The following KRT71 variants were observed in gnomAD, a reference collection of about 807,000 sequenced individuals.
KRT71 encodes the protein keratin, type II cytoskeletal 71.
A neutral mutation model predicts 46.2 loss-of-function variants in KRT71; 42 were observed. The ratio of observed to expected loss-of-function variants is 0.91; its 90% CI spans 0.71 to 1.18. The LOEUF (loss-of-function observed/expected upper bound fraction) is 1.18. Ranked by LOEUF, KRT71 falls within the 50% of genes most tolerant of loss-of-function variation. KRT71 has a pLI of 0.00. For missense variants in KRT71, 708 were observed against 677.9 expected, an observed-to-expected ratio of 1.04 and a Z score of -0.49; for synonymous variants, 292 against 277.8, an observed-to-expected ratio of 1.05 and a Z score of -0.51.
chr12:52,546,552 C>T (rs1313180155), intron 6 of KRT71, 46 bp from the exon 7 acceptor site: 2 of 1,571,294 alleles, frequency 1.3e-6, no homozygotes, highest in Admixed American at 1.8e-5. Context: ...GGAGCCACTG[C>T]AACCATCCAC....
chr12:52,546,539 G>A (rs1177074343), intron 6 of KRT71, 33 bp from the exon 7 acceptor site: 4 of 1,600,308 alleles, frequency 2.5e-6, no homozygotes, highest in Non-Finnish European at 2.6e-6. Context: ...CGAAAAATTT[G>A]GAGGAGCCAC....
Position 52,545,441 on chromosome 12 carries a change from G to A in KRT71, c.1360+124C>T, listed in dbSNP as rs60971309. 4,716 of 590,764 alleles carry A rather than the reference G, an allele frequency of 8.0e-3. 147 individuals are homozygous for A. The highest frequency in any genetic ancestry group is 0.075 in the African/African-American group (3,906 of 52,162). 36.6% of individuals were successfully genotyped at this position (590,764 alleles called of 1,614,324 possible). On this transcript the variant is annotated intron_variant, in intron 8 of 8. Transcript: ENST00000267119. ...CCATGGCTCTGCCATCTGGCTTTGT[G>A]ATCTCAGGCAAAGCTTTTCCCTCTC...
chr12:52,544,461 G>A lies in KRT71; in HGVS notation c.*71C>T, dbSNP rs1939020159. ...GCAGGGTGGAGATGGAGCTGAGAGTGGGCTGTGGGAAGTACAGTGTGGGAT... is the reference window on the plus strand; with the variant it reads ...GCAGGGTGGAGATGGAGCTGAGAGTAGGCTGTGGGAAGTACAGTGTGGGAT... On this transcript the variant is annotated 3_prime_UTR_variant, in exon 9 of 9. Coordinates refer to ENST00000267119, the MANE Select transcript of KRT71 (RefSeq NM_033448.3). The A allele has an allele frequency of 1.3e-5, 18 of 1,351,900 alleles. No homozygotes were observed. Among genetic ancestry groups the A allele is most frequent in the Middle Eastern group, 3.6e-4 (2 of 5,512 alleles). The allele number at this position is 1,351,900 out of a possible 1,614,324, so 83.7% of individuals were successfully genotyped here.
At position 52,544,479 on chromosome 12, in the gene KRT71, T is replaced by C. The variant is rs1225811239; in HGVS notation, c.*53A>G. ...TGAGAGTGGGCTGTGGGAAGTACAG[T>C]GTGGGATCCAGAGCCGGGTCATGGA... On this transcript the variant is annotated 3_prime_UTR_variant, in exon 9 of 9. Coordinates refer to ENST00000267119, the MANE Select transcript of KRT71 (RefSeq NM_033448.3). The C allele has an allele frequency of 1.3e-6, 2 of 1,486,212 alleles. No homozygotes were observed. Among genetic ancestry groups the C allele is most frequent in the Admixed American group, 1.7e-5 (1 of 59,646 alleles). The allele number at this position is 1,486,212 out of a possible 1,614,324, so 92.1% of individuals were successfully genotyped here. A position where few individuals can be genotyped will look rare whatever the true frequency, so the allele number is the denominator to read the frequency against.
chr12:52,546,592 G>C, intron 6 of KRT71, 86 bp from the exon 7 acceptor site: 1 of 1,368,524 alleles, frequency 7.3e-7, no homozygotes. Context: ...TTAGAGTGGG[G>C]CAGAGTGGCC....
At chr12:52,546,602 C>T in intron 6 of KRT71, 96 bp from the exon 7 acceptor site, 1 of 1,177,930 alleles carries the variant, frequency 8.5e-7, no homozygotes, top group Non-Finnish European at 1.2e-6. Context: ...GCAGAGTGGC[C>T]CGCCTCCACC....
In KRT71 at chr12:52,547,961, C is replaced by T; in HGVS notation, c.1000G>A (p.Ala334Thr). 6.2e-7 allele frequency: 1 copy of T among 1,614,100 alleles called. No homozygotes were observed. Among genetic ancestry groups the T allele is most frequent in the South Asian group, 1.1e-5 (1 of 91,076 alleles). ...TTGAGGTCGTCCCCATGCCTGCCAG[C>T]TGCCAGCTGAAGCTCTTGGAACTGG... ...QTKFQELQLA[A>T]GRHGDDLKNT... Residue 334 changes from alanine to threonine, a missense_variant, in exon 6 of 9, where the codon GCT (alanine) becomes ACT (threonine). By Grantham distance (58) the Ala-to-Thr change is moderately conservative (BLOSUM62 0). Coordinates refer to ENST00000267119, the MANE Select transcript of KRT71 (RefSeq NM_033448.3).
intron 1 of KRT71, among the ~76,000 whole-genome samples, chr12:52,552,420 C>T (rs1446871991): frequency 1.3e-5 from 2 of 152,234 alleles, no homozygotes; most frequent in Non-Finnish European, 2.9e-5. Flanking sequence ...CCTGAGAAGC[C>T]TCTGCCAGTA....
chr12:52,548,767 C>T lies in KRT71; in HGVS notation c.747G>A (p.Val249=). The change falls in exon 4 of 9, where the codon GTG becomes GTA. Residue 249 remains valine (V), a synonymous_variant. Coordinates refer to ENST00000267119, the MANE Select transcript of KRT71 (RefSeq NM_033448.3). ...TGGATTCCACCTTGGCCTGCAGTTC[C>T]ACCTTATTGGCGTAAGCAGCATCCA... ...KDVDAAYANK[V]ELQAKVESMD... 1.2e-6 allele frequency: 2 copies of T among 1,614,224 alleles called. No individual in the cohort carries two copies. The highest frequency in any genetic ancestry group is 1.7e-6 in the Non-Finnish European group (2 of 1,180,042).
In KRT71 at chr12:52,545,606, A is replaced by G; in HGVS notation, c.1326-7T>C. 6.7e-7 allele frequency: 1 copy of G among 1,499,042 alleles called. No individual in the cohort carries two copies. Among genetic ancestry groups the G allele is most frequent in the Non-Finnish European group, 9.2e-7 (1 of 1,082,652 alleles). The allele number at this position is 1,499,042 out of a possible 1,614,324, so 92.9% of individuals were successfully genotyped here. On this transcript the variant is annotated splice_polypyrimidine_tract_variant and splice_region_variant and intron_variant, in intron 7 of 8. Transcript: ENST00000267119. ...GGGAAATTCTCCTGACATCCTATTA[A>G]GGAGAGAAATAAAATAAGAGGAGAA...
rs978927357 is a variant in KRT71 at position 52,552,850 on chromosome 12, G to T, written c.228C>A (p.Ala76=). The change falls in exon 1 of 9, where the codon GCC becomes GCA. Residue 76 remains alanine, a synonymous_variant. Transcript: ENST00000267119. ...CAAACATGCTTCCAGCAAAGCCACT[G>T]GCCCGGCCCCGGCCAAATCCATAGC... is the stretch of plus-strand genomic sequence containing the variant. ...SGGYGFGRGR[A]SGFAGSMFGS... is the part of the protein sequence containing the mutation. The T allele has an allele frequency of 1.2e-6, 2 of 1,614,130 alleles. No homozygotes were observed. The highest frequency in any genetic ancestry group is 2.7e-5 in the African/African-American group (2 of 74,960).
rs1279046502 is a variant in KRT71 at position 52,552,875 on chromosome 12, C to A, written c.203G>T (p.Gly68Val). The A allele has an allele frequency of 6.2e-7, 1 of 1,614,220 alleles. No homozygotes were observed. The change falls in exon 1 of 9, where the codon GGC becomes GTC. Residue 68 changes from glycine to valine, a missense_variant. Coordinates refer to ENST00000267119, the MANE Select transcript of KRT71 (RefSeq NM_033448.3). ...NVASGSGKSG[G>V]YGFGRGRASG... ...GGCCCGGCCCCGGCCAAATCCATAG[C>A]CTCCACTCTTCCCGCTGCCACTGGC...
intron 4 of KRT71, 63 bp downstream of exon 4, chr12:52,548,638 C>T (rs1939102373): frequency 7.0e-7 from 1 of 1,428,298 alleles, no homozygotes; most frequent in South Asian, 1.2e-5. Flanking sequence ...CTCCTGCAGC[C>T]CCTAGAATAG....
chr12:52,548,268 A>T lies in KRT71; in HGVS notation c.862T>A (p.Ser288Thr). The change falls in exon 5 of 9, where the codon TCC becomes ACC. Residue 288 changes from serine (S) to threonine (T), a missense_variant. Ser to Thr is a moderately conservative substitution (Grantham distance 58). Transcript: ENST00000267119. ...SHISDMSVIL[S>T]MDNNRNLDLD... ...TCTAGGTTCCGGTTGTTGTCCATGGACAGGATGACAGACATGTCACTGATG... is the reference window on the plus strand; with the variant it reads ...TCTAGGTTCCGGTTGTTGTCCATGGTCAGGATGACAGACATGTCACTGATG... The T allele has an allele frequency of 6.2e-7, 1 of 1,614,070 alleles. No individual in the cohort carries two copies. The highest frequency in any genetic ancestry group is 8.5e-7 in the Non-Finnish European group (1 of 1,179,942).
At chr12:52,545,050 C>T (rs1024325114) in intron 8 of KRT71, among the ~76,000 whole-genome samples, 4 of 152,188 alleles carry the variant, frequency 2.6e-5, no homozygotes, top group Admixed American at 1.3e-4. Flanking sequence ...AGCCTTTTTG[C>T]TAAACTTCCC....
At chr12:52,550,419 G>C (rs1251024670) in intron 1 of KRT71, among the ~76,000 whole-genome samples, 176 bp from the exon 2 acceptor site, 2 of 152,210 alleles carry the variant, frequency 1.3e-5, no homozygotes, top group Non-Finnish European at 2.9e-5. Context: ...AACTTCGGCT[G>C]TTTCCAAGGC....
chr12:52,544,511 C>A lies in KRT71; in HGVS notation c.*21G>T, dbSNP rs61708395. The stretch of plus-strand genomic sequence containing the variant: ...TCCAGAGCCGGGTCATGGAATGAGG[C>A]GGGGCCCGGGGCAGTCTTCTCTACC... On this transcript the variant is annotated 3_prime_UTR_variant, in exon 9 of 9. Transcript: ENST00000267119. 1.9e-6 allele frequency: 3 copies of A among 1,606,286 alleles called. No homozygotes were observed.
rs199789433 is a variant in KRT71 at position 52,548,679 on chromosome 12, C to T, written c.813+22G>A. ...AACCCACCAGCCTCCCCTAGATGAA[C>T]CAAGTGGGCAGACAGACTTACGGCT... On this transcript the variant is annotated intron_variant, in intron 4 of 8. Coordinates refer to ENST00000267119, the MANE Select transcript of KRT71 (RefSeq NM_033448.3). 6.2e-5 allele frequency: 99 copies of T among 1,606,766 alleles called. No homozygotes were observed. In the African/African-American group the frequency reaches 1.1e-3, roughly 18 times the overall value.
chr12:52,549,888 T>C (rs1332124882), intron 2 of KRT71, 141 bp downstream of exon 2: 2 of 931,288 alleles, frequency 2.1e-6, no homozygotes, highest in African/African-American at 1.7e-5. Context: ...TTCCAGAGTT[T>C]TGTTGGGGTG....
Sources: allele counts gnomAD v4.1 joint callset (sites outside exome capture counted in the v4.1 genomes callset), GRCh38; gene constraint gnomAD v4.1.1; transcripts MANE v1.5; gene names NCBI Gene and HGNC (gene_info 2026-07-23, HGNC 2026-07-21).